The following DSCAM variants were observed in gnomAD, a reference collection of about 807,000 sequenced individuals.
DSCAM encodes DS cell adhesion molecule.
DSCAM carries 47 observed loss-of-function variants against 217.7 expected under a neutral mutation model. The observed-to-expected ratio is 0.22, with a 90% CI of 0.17 to 0.28. The LOEUF (loss-of-function observed/expected upper bound fraction) is 0.28. Ranked by LOEUF, DSCAM falls within the 10% of genes least tolerant of loss-of-function variation. DSCAM has a pLI of 1.00. For synonymous variants in DSCAM, 1,056 were observed against 1,015.3 expected (o/e 1.04, Z -0.76); for missense variants, 2,080 against 2,618.3 (o/e 0.79, Z 4.49).
chr21:40,077,205 G>A (rs568854194), intron 26 of DSCAM, among the ~76,000 whole-genome samples: 17 of 152,184 alleles, frequency 1.1e-4, no homozygotes, highest in African/African-American at 3.9e-4. Context: ...CCCGGCTAGC[G>A]TAACCAACAC....
chr21:40,038,890 C>G (rs1049634494), intron 32 of DSCAM, among the ~76,000 whole-genome samples: 1 of 151,006 alleles, frequency 6.6e-6, no homozygotes, highest in Non-Finnish European at 1.5e-5. Flanking sequence ...AATTGGAAAT[C>G]ATCATTCTCA....
intron 3 of DSCAM, among the ~76,000 whole-genome samples, chr21:40,591,171 C>T (rs1413559298): frequency 6.6e-6 from 1 of 152,192 alleles, no homozygotes; most frequent in African/African-American, 2.4e-5. Context: ...GAAGAAGGTG[C>T]CTTACTTCCC....
At chr21:40,821,865 G>A (rs1265954607) in intron 1 of DSCAM, among the ~76,000 whole-genome samples, 1 of 152,082 alleles carries the variant, frequency 6.6e-6, no homozygotes, top group Non-Finnish European at 1.5e-5. Context: ...CTATTGAAGG[G>A]TGGAAAGTGG....
At position 40,097,956 on chromosome 21, in the gene DSCAM, AAGAAAG is replaced by A. The variant is rs1220183984; in HGVS notation, c.3697-4088_3697-4083del. On this transcript the variant is annotated intron_variant, in intron 20 of 32. Transcript: ENST00000400454. ...ACTCTGTCTCAAAAAAAAAAAAAAA[AAGAAAG>A]AAAGAAAGAAAGAAAGAAAGAAAGA... Among the ~76,000 whole-genome samples, 3 of 33,932 alleles carry A rather than the reference AAGAAAG, an allele frequency of 8.8e-5. 1 individual carries two copies. The highest frequency in any genetic ancestry group is 6.7e-4 in the Admixed American group (2 of 2,986). 22.3% of individuals were successfully genotyped at this position (33,932 alleles called of 152,430 possible). A position where few individuals can be genotyped will look rare whatever the true frequency, so the allele number is the denominator to read the frequency against.
chr21:40,346,183 C>G (rs1025179381), intron 6 of DSCAM, among the ~76,000 whole-genome samples: 1 of 152,174 alleles, frequency 6.6e-6, no homozygotes, highest in Non-Finnish European at 1.5e-5. Flanking sequence ...TCATCATTAG[C>G]AAACTGGTTC....
intron 1 of DSCAM, among the ~76,000 whole-genome samples, chr21:40,712,960 AG>A (rs994352333): frequency 1.4e-4 from 21 of 152,188 alleles, no homozygotes; most frequent in Non-Finnish European, 2.8e-4. Flanking sequence ...CTCCCCTGTG[AG>A]GGACACACAA....
chr21:40,427,609 C>A (rs1211306665), intron 3 of DSCAM, among the ~76,000 whole-genome samples: 1 of 152,180 alleles, frequency 6.6e-6, no homozygotes, highest in African/African-American at 2.4e-5. Flanking sequence ...TTATTGCTAC[C>A]CACTTTGCAG....
At chr21:40,467,681 C>T (rs753367160) in intron 3 of DSCAM, among the ~76,000 whole-genome samples, 7 of 151,550 alleles carry the variant, frequency 4.6e-5, no homozygotes, top group Admixed American at 6.6e-5. Flanking sequence ...AAAATGTACA[C>T]GAATTTATAG....
intron 11 of DSCAM, among the ~76,000 whole-genome samples, chr21:40,222,034 GACAA>G (rs1279527931): frequency 6.6e-6 from 1 of 152,114 alleles, no homozygotes; most frequent in African/African-American, 2.4e-5. Context: ...CTGGGTATTT[GACAA>G]ACATTTTCTC....
At chr21:40,539,563 G>A (rs892500586) in intron 3 of DSCAM, among the ~76,000 whole-genome samples, 4 of 152,092 alleles carry the variant, frequency 2.6e-5, no homozygotes, top group African/African-American at 4.8e-5. Flanking sequence ...GAGAAAAGGA[G>A]TTTATTTCTT....
At chr21:40,817,969 G>T (rs897176274) in intron 1 of DSCAM, among the ~76,000 whole-genome samples, 10 of 151,184 alleles carry the variant, frequency 6.6e-5, no homozygotes, top group African/African-American at 2.4e-4. Flanking sequence ...GGTGGCGGGC[G>T]CCTGTAGTCC....
chr21:40,361,542 C>G (rs2074765324), intron 4 of DSCAM, among the ~76,000 whole-genome samples: 1 of 152,064 alleles, frequency 6.6e-6, no homozygotes, highest in African/African-American at 2.4e-5. Context: ...TCACTTGAAC[C>G]CGGGAGGCAG....
chr21:40,512,055 A>T (rs73228109), intron 3 of DSCAM, among the ~76,000 whole-genome samples: 3,247 of 151,404 alleles, frequency 0.021, 35 homozygotes, highest in South Asian at 0.045. Flanking sequence ...ACTTGCATGC[A>T]AAAAGCTTTC....
At chr21:40,822,750 T>C (rs970269559) in intron 1 of DSCAM, among the ~76,000 whole-genome samples, 1 of 152,212 alleles carries the variant, frequency 6.6e-6, no homozygotes, top group Non-Finnish European at 1.5e-5. Flanking sequence ...GTATATACAA[T>C]ATGTAAACCC....
At chr21:40,383,868 T>C (rs564476279) in intron 3 of DSCAM, 28 of 152,336 alleles carry the variant, frequency 1.8e-4, no homozygotes, top group African/African-American at 6.3e-4. Flanking sequence ...ACAGATGGCA[T>C]TCAATGATTG....
intron 2 of DSCAM, among the ~76,000 whole-genome samples, chr21:40,697,648 G>A (rs767674894): frequency 1.3e-5 from 2 of 152,240 alleles, no homozygotes; most frequent in African/African-American, 4.8e-5. Context: ...GGGTATAAGC[G>A]CATGGACTTA....
chr21:40,438,246 C>A (rs1047452222), intron 3 of DSCAM, among the ~76,000 whole-genome samples: 2 of 152,124 alleles, frequency 1.3e-5, no homozygotes, highest in African/African-American at 4.8e-5. Context: ...TTAATGATCA[C>A]ACTCAATAAA....
At chr21:40,644,220 C>T (rs757728856) in intron 3 of DSCAM, among the ~76,000 whole-genome samples, 16 of 152,198 alleles carry the variant, frequency 1.1e-4, no homozygotes, top group Non-Finnish European at 1.9e-4. Context: ...TGGATGAACA[C>T]GCTCTTTCAA....
chr21:40,040,836 C>A (rs949699280), intron 32 of DSCAM, among the ~76,000 whole-genome samples: 6 of 152,174 alleles, frequency 3.9e-5, no homozygotes, highest in Non-Finnish European at 8.8e-5. Flanking sequence ...CTCTCCAGTC[C>A]TCCTCACCTT....
Sources: allele counts gnomAD v4.1 joint callset (sites outside exome capture counted in the v4.1 genomes callset), GRCh38; gene constraint gnomAD v4.1.1; transcripts MANE v1.5; gene names NCBI Gene and HGNC (gene_info 2026-07-23, HGNC 2026-07-21).